NRP2: variants seen among roughly 807,000 people sequenced by gnomAD.
NRP2 encodes neuropilin 2.
In NRP2, 52 loss-of-function variants were observed where a neutral mutation model predicts 110.4. The observed-to-expected ratio is 0.47, with a 90% CI of 0.38 to 0.59. The LOEUF is 0.59. NRP2 is among the 20% of genes least tolerant of loss of function. The pLI is 0.00. For synonymous variants in NRP2, 508 were observed against 468.9 expected, an observed-to-expected ratio of 1.08 and a Z score of -1.08; for missense variants, 1,049 against 1,203.0, an observed-to-expected ratio of 0.87 and a Z score of 1.89.
In NRP2 at chr2:205,776,577, G is replaced by A. The variant is rs979114368; in HGVS notation, c.2425+9774G>A. 2.1e-5 allele frequency: 33 copies of A among 1,599,656 alleles called. No homozygotes were observed. In the East Asian group the frequency reaches 7.3e-4, roughly 36 times the overall value. On this transcript the variant is annotated intron_variant, in intron 15 of 16. Coordinates refer to ENST00000357785, the MANE Select transcript of NRP2 (RefSeq NM_003872.3). ...AACAAACGAGAAAGACTGCAAACAT[G>A]TTGCCTCGATTTTGCACTTTTTTCT...
At chr2:205,700,393 C>T (rs2056527046) in intron 2 of NRP2, among the ~76,000 whole-genome samples, 1 of 152,154 alleles carries the variant, frequency 6.6e-6, no homozygotes, top group South Asian at 2.1e-4. Context: ...GCAGCAATGC[C>T]CCAGCAAAAA....
At chr2:205,742,780 C>A (rs986923117) in intron 8 of NRP2, among the ~76,000 whole-genome samples, 2 of 152,226 alleles carry the variant, frequency 1.3e-5, no homozygotes, top group African/African-American at 4.8e-5. Context: ...TGTGCAGACA[C>A]ACATTCTGAG....
intron 15 of NRP2, chr2:205,776,485 C>T: frequency 6.2e-7 from 1 of 1,610,768 alleles, no homozygotes; most frequent in Non-Finnish European, 8.5e-7. Flanking sequence ...GGAGCCCACC[C>T]TAACCATTAA....
In NRP2 at chr2:205,749,820, G is replaced by C. The variant is rs772678301; in HGVS notation, c.1882G>C (p.Glu628Gln). 1.2e-6 allele frequency: 2 copies of C among 1,614,060 alleles called. No homozygotes were observed. Among genetic ancestry groups the C allele is most frequent in the Non-Finnish European group, 1.7e-6 (2 of 1,179,912 alleles). The change falls in exon 11 of 17, where the codon GAG (glutamate) becomes CAG (glutamine). Residue 628 changes from glutamate to glutamine, a missense_variant. Glu to Gln is a conservative substitution (Grantham distance 29). Coordinates refer to ENST00000357785, the MANE Select transcript of NRP2 (RefSeq NM_003872.3). The stretch of plus-strand genomic sequence containing the variant: ...CGAAGAGGAGGCCACAGAGTGTGGG[G>C]AGAACTGCAGCTTTGAGGATGGTAA... The part of the protein sequence containing the change: ...PTEEEATECG[E>Q]NCSFEDDKDL...
At chr2:205,756,186 T>G (rs1386482763) in intron 12 of NRP2, among the ~76,000 whole-genome samples, 3 of 152,148 alleles carry the variant, frequency 2.0e-5, no homozygotes, top group Admixed American at 2.0e-4. Context: ...GTGGCTTAGC[T>G]GCCTGGAGTG....
intron 1 of NRP2, among the ~76,000 whole-genome samples, chr2:205,696,400 G>A (rs907798900): frequency 2.6e-5 from 4 of 152,186 alleles, no homozygotes; most frequent in Admixed American, 1.3e-4. Context: ...ATATTAAATC[G>A]TGATTGATGC....
intron 15 of NRP2, chr2:205,776,029 G>T: frequency 1.4e-6 from 1 of 705,884 alleles, no homozygotes. Context: ...CTGTAAAATG[G>T]GTCTGACAAT....
intron 7 of NRP2, among the ~76,000 whole-genome samples, chr2:205,737,141 G>T (rs2057358969): frequency 6.6e-6 from 1 of 152,304 alleles, no homozygotes; most frequent in Middle Eastern, 3.4e-3. Context: ...ATTTGAACTG[G>T]TATTGAACCA....
intron 2 of NRP2, among the ~76,000 whole-genome samples, chr2:205,704,803 A>C (rs7572919): frequency 0.016 from 2,442 of 152,290 alleles, 67 homozygotes; most frequent in African/African-American, 0.056. Context: ...GTTATCATGC[A>C]CAATCCCACT....
At chr2:205,721,568 A>C (rs1436168843) in intron 3 of NRP2, among the ~76,000 whole-genome samples, 1 of 152,176 alleles carries the variant, frequency 6.6e-6, no homozygotes, top group Non-Finnish European at 1.5e-5. Flanking sequence ...ATTAAGAGAT[A>C]GGGTGGCTGT....
intron 3 of NRP2, among the ~76,000 whole-genome samples, chr2:205,718,637 C>T (rs531961060): frequency 1.1e-4 from 16 of 152,244 alleles, no homozygotes; most frequent in African/African-American, 3.1e-4. Context: ...AGCAACTGTC[C>T]GCATGACAGT....
chr2:205,734,399 G>GCC lies in NRP2; in HGVS notation c.1147-6112_1147-6111dup, dbSNP rs201261642. The stretch of plus-strand genomic sequence containing the variant: ...CATTGCCTTCATATCATTTCCCACC[G>GCC]CCCCCCCCCACCCCGCATCGCAACA... On this transcript the variant is annotated intron_variant, in intron 7 of 16. Coordinates refer to ENST00000357785, the MANE Select transcript of NRP2 (RefSeq NM_003872.3). Among the ~76,000 whole-genome samples the GCC allele has an allele frequency of 5.8e-3, 528 of 90,502 alleles. 4 individuals carry two copies. The highest frequency in any genetic ancestry group is 0.014 in the African/African-American group (362 of 25,010). The allele number at this position is 90,502 out of a possible 152,430, so 59.4% of individuals were successfully genotyped here. A position where few individuals can be genotyped will look rare whatever the true frequency, so the allele number is the denominator to read the frequency against.
rs2058349150 is a variant in NRP2 at position 205,796,049 on chromosome 2, G to A, written c.*991G>A. The A allele has an allele frequency of 6.6e-6, 1 of 152,234 alleles. No homozygotes were observed. The highest frequency in any genetic ancestry group is 2.4e-5 in the African/African-American group (1 of 41,470). The allele number at this position is 152,234 out of a possible 1,614,324, so 9.4% of individuals were successfully genotyped here. Reference sequence around the variant, plus strand: ...ATATTCTCAGAGGCAGGGGAAAATAGAGGGAAAAATAGAGACTATTGGTAT... The same window carrying A: ...ATATTCTCAGAGGCAGGGGAAAATAAAGGGAAAAATAGAGACTATTGGTAT... On this transcript the variant is annotated 3_prime_UTR_variant, in exon 17 of 17. Transcript: ENST00000357785.
intron 15 of NRP2, among the ~76,000 whole-genome samples, chr2:205,769,249 G>A (rs1372750343): frequency 6.6e-6 from 1 of 152,144 alleles, no homozygotes; most frequent in Non-Finnish European, 1.5e-5. Context: ...TTTCAAATTA[G>A]AGTGTTTTTC....
rs778355585 is a variant in NRP2 at position 205,697,730 on chromosome 2, CG to C, written c.251+10del. On this transcript the variant is annotated intron_variant, in intron 2 of 16. Transcript: ENST00000357785. Reference sequence around the variant, plus strand: ...GAGAAGCACGACTGCAAGTAAGCACCGTCCTGTCCCACTGTGTATCCCATCC... The same window carrying C: ...GAGAAGCACGACTGCAAGTAAGCACCTCCTGTCCCACTGTGTATCCCATCC... 1.2e-6 allele frequency: 2 copies of C among 1,613,640 alleles called. No individual in the cohort carries two copies. Among genetic ancestry groups the C allele is most frequent in the East Asian group, 2.2e-5 (1 of 44,882 alleles).
At chr2:205,731,263 CA>C (rs1355098075) in intron 7 of NRP2, among the ~76,000 whole-genome samples, 1 of 152,208 alleles carries the variant, frequency 6.6e-6, no homozygotes, top group African/African-American at 2.4e-5. Flanking sequence ...TCAGAAACCA[CA>C]AGCAGAAATT....
At chr2:205,740,195 A>C (rs1041131987) in intron 7 of NRP2, among the ~76,000 whole-genome samples, 3 of 152,208 alleles carry the variant, frequency 2.0e-5, no homozygotes, top group Admixed American at 6.5e-5. Flanking sequence ...ACTTCATTTT[A>C]AACAGATATT....
rs1447525787 is a variant in NRP2 at position 205,726,197 on chromosome 2, A to G, written c.990+115A>G. On this transcript the variant is annotated intron_variant, in intron 6 of 16. Transcript: ENST00000357785. ...AAAGAAAATAAACACAGCATACCTG[A>G]GAACTCCATTCATTCATTCATCCAA... 3.8e-6 allele frequency: 4 copies of G among 1,045,454 alleles called. No individual in the cohort carries two copies. The East Asian group carries it at 1.0e-4, about 27-fold the overall frequency. 64.8% of individuals were successfully genotyped at this position (1,045,454 alleles called of 1,614,324 possible).
chr2:205,713,354 C>T (rs541767658), intron 2 of NRP2, among the ~76,000 whole-genome samples: 1 of 152,306 alleles, frequency 6.6e-6, no homozygotes, highest in South Asian at 2.1e-4. Flanking sequence ...TGGCACTGTT[C>T]CAGATGTCCC....
Sources: allele counts gnomAD v4.1 joint callset (sites outside exome capture counted in the v4.1 genomes callset), GRCh38; gene constraint gnomAD v4.1.1; transcripts MANE v1.5; gene names NCBI Gene and HGNC (gene_info 2026-07-23, HGNC 2026-07-21).